The following GRM5 variants were observed in gnomAD, a reference collection of about 807,000 sequenced individuals.
GRM5 encodes glutamate metabotropic receptor 5, also known as metabotropic glutamate receptor 5.
GRM5 carries 19 observed loss-of-function variants against 83.1 expected under a neutral mutation model. That is an observed-to-expected ratio of 0.23 (90% CI 0.16 to 0.34). The LOEUF (loss-of-function observed/expected upper bound fraction) is 0.34, where lower values mean the gene tolerates loss of function less well. Among genes scored for constraint, GRM5 ranks in the 10% least tolerant of loss-of-function variants. The pLI is 1.00. For missense variants in GRM5, 1,160 were observed against 1,588.3 expected (o/e 0.73, Z 4.58); for synonymous variants, 675 against 633.6 (o/e 1.07, Z -0.98).
At chr11:88,977,038 G>A (rs751111046) in intron 2 of GRM5, among the ~76,000 whole-genome samples, 38 of 151,618 alleles carry the variant, frequency 2.5e-4, no homozygotes, top group Non-Finnish European at 4.6e-4. Context: ...TTCTCATGTG[G>A]GGAGATTTAG....
At chr11:88,684,615 C>T (rs1320873001) in intron 3 of GRM5, among the ~76,000 whole-genome samples, 1 of 152,104 alleles carries the variant, frequency 6.6e-6, no homozygotes, top group Non-Finnish European at 1.5e-5. Flanking sequence ...GGTTTAGAGG[C>T]ATAGACTCCA....
intron 2 of GRM5, among the ~76,000 whole-genome samples, chr11:89,039,804 C>T (rs1421109532): frequency 1.3e-5 from 2 of 152,020 alleles, no homozygotes; most frequent in African/African-American, 4.8e-5. Context: ...TTGAACAGGC[C>T]CTGCTTGGTT....
chr11:88,838,461 C>A (rs192878262), intron 3 of GRM5, among the ~76,000 whole-genome samples: 1 of 152,164 alleles, frequency 6.6e-6, no homozygotes, highest in African/African-American at 2.4e-5. Context: ...TTAAAGCAAG[C>A]AAGTCCTGTG....
intron 2 of GRM5, among the ~76,000 whole-genome samples, chr11:88,907,535 G>A (rs1204446422): frequency 6.6e-6 from 1 of 152,154 alleles, no homozygotes; most frequent in Admixed American, 6.6e-5. Flanking sequence ...CTAAATATTT[G>A]TATGACTTTA....
chr11:88,530,132 A>T (rs2135115712), intron 8 of GRM5, among the ~76,000 whole-genome samples: 1 of 152,156 alleles, frequency 6.6e-6, no homozygotes, highest in Admixed American at 6.5e-5. Context: ...GAAGAGGTGA[A>T]TAGCCATGCT....
chr11:88,794,750 T>C (rs1943242679), intron 3 of GRM5, among the ~76,000 whole-genome samples: 1 of 152,218 alleles, frequency 6.6e-6, no homozygotes, highest in Non-Finnish European at 1.5e-5. Context: ...TGAAGCATCA[T>C]ATCCTGTTAC....
At chr11:88,555,696 C>T (rs571647605) in intron 8 of GRM5, among the ~76,000 whole-genome samples, 4 of 152,268 alleles carry the variant, frequency 2.6e-5, no homozygotes, top group African/African-American at 9.6e-5. Context: ...CGTGATGCCA[C>T]AGAGCAAGGC....
At chr11:88,736,803 C>T (rs1941924480) in intron 3 of GRM5, among the ~76,000 whole-genome samples, 1 of 151,972 alleles carries the variant, frequency 6.6e-6, no homozygotes, top group African/African-American at 2.4e-5. Context: ...GTATCAGTAG[C>T]CATTATACTA....
chr11:88,717,005 C>T (rs990789340), intron 3 of GRM5, among the ~76,000 whole-genome samples: 14 of 151,870 alleles, frequency 9.2e-5, no homozygotes, highest in African/African-American at 3.4e-4. Context: ...ATAAGCCAGC[C>T]CTGTTGCTTG....
chr11:88,953,514 G>A (rs1938524130), intron 2 of GRM5, among the ~76,000 whole-genome samples: 2 of 152,148 alleles, frequency 1.3e-5, no homozygotes, highest in Admixed American at 1.3e-4. Flanking sequence ...ACACTCTGAT[G>A]GCCTGTTAAA....
At chr11:88,695,006 T>C (rs191352505) in intron 3 of GRM5, among the ~76,000 whole-genome samples, 1 of 152,290 alleles carries the variant, frequency 6.6e-6, no homozygotes, top group Non-Finnish European at 1.5e-5. Context: ...ATATAAAACA[T>C]GGCCTTGTAC....
At chr11:88,756,323 G>A (rs999550233) in intron 3 of GRM5, among the ~76,000 whole-genome samples, 1 of 152,060 alleles carries the variant, frequency 6.6e-6, no homozygotes, top group Non-Finnish European at 1.5e-5. Context: ...TCCATCCAAA[G>A]ATAGAAAATC....
chr11:88,758,466 A>G (rs1942442244), intron 3 of GRM5, among the ~76,000 whole-genome samples: 1 of 152,304 alleles, frequency 6.6e-6, no homozygotes, highest in African/African-American at 2.4e-5. Flanking sequence ...AATAAGCAAA[A>G]TAGACCATAC....
intron 3 of GRM5, among the ~76,000 whole-genome samples, chr11:88,670,890 C>T (rs1940175980): frequency 6.6e-6 from 1 of 152,028 alleles, no homozygotes; most frequent in Admixed American, 6.6e-5. Flanking sequence ...AACTATTTGG[C>T]AATATCTCCT....
chr11:88,906,912 T>A (rs1945413598), intron 2 of GRM5, among the ~76,000 whole-genome samples: 1 of 152,232 alleles, frequency 6.6e-6, no homozygotes, highest in Admixed American at 6.5e-5. Flanking sequence ...ATCAATTTTT[T>A]AAATACTAAA....
chr11:89,022,415 G>C (rs1034856407), intron 2 of GRM5, among the ~76,000 whole-genome samples: 1 of 151,724 alleles, frequency 6.6e-6, no homozygotes, highest in Non-Finnish European at 1.5e-5. Flanking sequence ...GGCCAAGGGG[G>C]GCAGGTCACA....
chr11:89,022,649 C>T (rs974465321), intron 2 of GRM5, among the ~76,000 whole-genome samples: 4 of 152,114 alleles, frequency 2.6e-5, no homozygotes, highest in Non-Finnish European at 5.9e-5. Flanking sequence ...GAGACTCCAT[C>T]TCAAAGAGAT....
In GRM5 at chr11:88,783,405, C is replaced by A. The variant is rs987738563; in HGVS notation, c.911+66501G>T. Among the ~76,000 whole-genome samples, 5 of 151,948 alleles carry A rather than the reference C, an allele frequency of 3.3e-5. No individual in the cohort carries two copies. The South Asian group carries it at 1.0e-3, about 31-fold the overall frequency. On this transcript the variant is annotated intron_variant, in intron 3 of 9. Coordinates refer to ENST00000305447, the MANE Select transcript of GRM5 (RefSeq NM_001143831.3). Reference sequence around the variant, plus strand: ...CACTCTAGATGTTATTTATCACATACAAGATGGCTATTTAAAATTTTACAG... The same window carrying A: ...CACTCTAGATGTTATTTATCACATAAAAGATGGCTATTTAAAATTTTACAG...
intron 2 of GRM5, among the ~76,000 whole-genome samples, chr11:88,974,643 T>C (rs1180858889): frequency 6.6e-6 from 1 of 152,138 alleles, no homozygotes; most frequent in African/African-American, 2.4e-5. Context: ...CCATCATTTG[T>C]GTTTCAGTTT....
Sources: allele counts gnomAD v4.1 joint callset (sites outside exome capture counted in the v4.1 genomes callset), GRCh38; gene constraint gnomAD v4.1.1; transcripts MANE v1.5; gene names NCBI Gene and HGNC (gene_info 2026-07-23, HGNC 2026-07-21).